Variants in HSD17B6 observed in about 807,000 individuals in gnomAD.
The protein encoded by HSD17B6 is 17-beta-hydroxysteroid dehydrogenase type 6.
HSD17B6 carries 16 observed loss-of-function variants against 26.4 expected under a neutral mutation model. The ratio of observed to expected loss-of-function variants is 0.61; its 90% CI spans 0.41 to 0.92. HSD17B6 has a LOEUF of 0.92. Ranked by LOEUF, HSD17B6 falls within the 40% of genes least tolerant of loss-of-function variation. HSD17B6 has a pLI of 0.00. For synonymous variants in HSD17B6, 139 were observed against 153.0 expected, an observed-to-expected ratio of 0.91 and a Z score of 0.68; for missense variants, 357 against 386.1, an observed-to-expected ratio of 0.92 and a Z score of 0.63.
chr12:56,768,446 C>G (rs1251292971), intron 1 of HSD17B6, among the ~76,000 whole-genome samples: 1 of 151,838 alleles, frequency 6.6e-6, no homozygotes, highest in African/African-American at 2.4e-5. Context: ...TTAGGATGGT[C>G]TTAGGGAGGA....
chr12:56,786,779 G>T (rs1314148938), intron 4 of HSD17B6, among the ~76,000 whole-genome samples: 1 of 152,120 alleles, frequency 6.6e-6, no homozygotes, highest in Non-Finnish European at 1.5e-5. Context: ...AGCCTGGGAG[G>T]CAGAGGTTGC....
At chr12:56,771,448 ATTTTTTTTTTTT>A (rs35374137) in intron 1 of HSD17B6, among the ~76,000 whole-genome samples, 1 of 93,328 alleles carries the variant, frequency 1.1e-5, no homozygotes, top group Non-Finnish European at 2.1e-5. Flanking sequence ...AAGGGTTGCA[ATTTTTTTTTTTT>A]TTTTTTTTTT....
At position 56,783,086 on chromosome 12, in the gene HSD17B6, C is replaced by A. The variant is rs893640167; in HGVS notation, c.572+854C>A. Among the ~76,000 whole-genome samples, 3 of 152,242 alleles carry A rather than the reference C, an allele frequency of 2.0e-5. No homozygotes were observed. The East Asian group carries it at 5.8e-4, about 29-fold the overall frequency. ...ACCATCCGATTTCTCAATCTTTTCCCCACCTTGCCCCCTTTTCTATTCCAC... is the reference window on the plus strand; with the variant it reads ...ACCATCCGATTTCTCAATCTTTTCCACACCTTGCCCCCTTTTCTATTCCAC... On this transcript the variant is annotated intron_variant, in intron 3 of 4. Coordinates refer to ENST00000322165, the MANE Select transcript of HSD17B6 (RefSeq NM_003725.4).
At chr12:56,775,672 T>C (rs2137912068) in intron 2 of HSD17B6, among the ~76,000 whole-genome samples, 1 of 152,258 alleles carries the variant, frequency 6.6e-6, no homozygotes, top group Non-Finnish European at 1.5e-5. Context: ...GTTGTTACAA[T>C]TGATGAACCA....
At chr12:56,781,424 C>G (rs1317226086) in intron 2 of HSD17B6, among the ~76,000 whole-genome samples, 1 of 152,128 alleles carries the variant, frequency 6.6e-6, no homozygotes, top group Non-Finnish European at 1.5e-5. Context: ...TCTTTTATTT[C>G]TGAAGTTTTA....
At chr12:56,765,351 G>T (rs1304802671) in intron 1 of HSD17B6, among the ~76,000 whole-genome samples, 1 of 151,918 alleles carries the variant, frequency 6.6e-6, no homozygotes. Flanking sequence ...CCGGAGGATC[G>T]CTGGAACCTG....
At chr12:56,771,169 G>A (rs1479739552) in intron 1 of HSD17B6, among the ~76,000 whole-genome samples, 1 of 152,160 alleles carries the variant, frequency 6.6e-6, no homozygotes, top group Admixed American at 6.5e-5. Context: ...CTCTACTACA[G>A]TCTAAAGCTC....
intron 1 of HSD17B6, among the ~76,000 whole-genome samples, chr12:56,766,481 ATCATACTTC>A: frequency 6.6e-6 from 1 of 152,156 alleles, no homozygotes; most frequent in African/African-American, 2.4e-5. Context: ...GGCTCAGCAA[ATCATACTTC>A]CTTCATTTTA....
At chr12:56,774,744 A>T (rs1435587624) in intron 2 of HSD17B6, among the ~76,000 whole-genome samples, 1 of 152,256 alleles carries the variant, frequency 6.6e-6, no homozygotes, top group Non-Finnish European at 1.5e-5. Context: ...TATCCCTGGC[A>T]TGTGCAGTTC....
rs565457010 is a variant in HSD17B6 at position 56,767,900 on chromosome 12, A to C, written c.-20+4486A>C. On this transcript the variant is annotated intron_variant, in intron 1 of 4. Coordinates refer to ENST00000322165, the MANE Select transcript of HSD17B6 (RefSeq NM_003725.4). Reference sequence around the variant, plus strand: ...ACACGTATATACACATATATATACAATGTATACACACACGTATACAATATA... The same window carrying C: ...ACACGTATATACACATATATATACACTGTATACACACACGTATACAATATA... 2.7e-5 allele frequency among the ~76,000 whole-genome samples: 4 copies of C among 150,110 alleles called. No individual in the cohort carries two copies. In the South Asian group the frequency reaches 8.3e-4, roughly 31 times the overall value.
At chr12:56,767,818 T>C (rs959098444) in intron 1 of HSD17B6, among the ~76,000 whole-genome samples, 1 of 147,114 alleles carries the variant, frequency 6.8e-6, no homozygotes, top group African/African-American at 2.5e-5. Context: ...ATATAATATA[T>C]ATGTGTGTAT....
chr12:56,765,222 G>T (rs926638992), intron 1 of HSD17B6, among the ~76,000 whole-genome samples: 4 of 151,980 alleles, frequency 2.6e-5, no homozygotes, highest in Admixed American at 6.5e-5. Flanking sequence ...GGATCACGAG[G>T]TCAGGAGTTT....
intron 1 of HSD17B6, among the ~76,000 whole-genome samples, chr12:56,766,155 A>C (rs1470507676): frequency 6.6e-6 from 1 of 151,296 alleles, no homozygotes; most frequent in Non-Finnish European, 1.5e-5. Flanking sequence ...CTTTAAATGT[A>C]ATTTTCCGCT....
In HSD17B6 at chr12:56,787,118, T is replaced by C. The variant is rs376212119; in HGVS notation, c.737-7T>C. ...TTGTTGACCACCATTTCTTTTTTTGTATACAGTTTACAATATCATGAAGGA... is the reference window on the plus strand; with the variant it reads ...TTGTTGACCACCATTTCTTTTTTTGCATACAGTTTACAATATCATGAAGGA... On this transcript the variant is annotated splice_polypyrimidine_tract_variant and splice_region_variant and intron_variant, in intron 4 of 4. Coordinates refer to ENST00000322165, the MANE Select transcript of HSD17B6 (RefSeq NM_003725.4). 2 of 1,603,826 alleles carry C rather than the reference T, an allele frequency of 1.2e-6. No individual in the cohort carries two copies. The highest frequency in any genetic ancestry group is 2.7e-5 in the African/African-American group (2 of 74,672).
Position 56,773,885 on chromosome 12 carries a change from G to A in HSD17B6, c.33G>A (p.Leu11=). The change falls in exon 2 of 5, where the codon CTG becomes CTA. Residue 11 remains leucine, a synonymous_variant. Coordinates refer to ENST00000322165, the MANE Select transcript of HSD17B6 (RefSeq NM_003725.4). MWLYLAAFVG[L]YYLLHWYRER... ...TCTACCTGGCGGCCTTCGTGGGCCT[G>A]TACTACCTTCTGCACTGGTACCGGG... 1 of 1,605,744 alleles carries A rather than the reference G, an allele frequency of 6.2e-7. No homozygotes were observed. The highest frequency in any genetic ancestry group is 8.5e-7 in the Non-Finnish European group (1 of 1,174,670).
chr12:56,783,659 T>C (rs1305251089), intron 3 of HSD17B6, among the ~76,000 whole-genome samples: 1 of 92,374 alleles, frequency 1.1e-5, no homozygotes, highest in Non-Finnish European at 2.1e-5. Flanking sequence ...CCCACCTCCC[T>C]CTCGGACGGG....
intron 1 of HSD17B6, among the ~76,000 whole-genome samples, chr12:56,769,524 T>C (rs1194378375): frequency 1.3e-5 from 2 of 152,218 alleles, no homozygotes; most frequent in Non-Finnish European, 2.9e-5. Flanking sequence ...GAAGGTGTTT[T>C]CTAGGCTCGA....
At chr12:56,774,768 T>C (rs1016922056) in intron 2 of HSD17B6, among the ~76,000 whole-genome samples, 1 of 152,222 alleles carries the variant, frequency 6.6e-6, no homozygotes, top group Non-Finnish European at 1.5e-5. Flanking sequence ...ATAGGGTTAG[T>C]GCTCCTGTGA....
At position 56,787,117 on chromosome 12, in the gene HSD17B6, G is replaced by A. The variant is rs1441277140; in HGVS notation, c.737-8G>A. ...ATTGTTGACCACCATTTCTTTTTTT[G>A]TATACAGTTTACAATATCATGAAGG... is the stretch of plus-strand genomic sequence containing the variant. On this transcript the variant is annotated splice_polypyrimidine_tract_variant and splice_region_variant and intron_variant, in intron 4 of 4. Coordinates refer to ENST00000322165, the MANE Select transcript of HSD17B6 (RefSeq NM_003725.4). 3.8e-6 allele frequency: 6 copies of A among 1,599,718 alleles called. No individual in the cohort carries two copies. Among genetic ancestry groups the A allele is most frequent in the South Asian group, 1.1e-5 (1 of 90,174 alleles).
Sources: gnomAD v4.1 joint callset for allele counts (sites outside exome capture counted in the v4.1 genomes callset) on GRCh38, gnomAD v4.1.1 for gene constraint, MANE v1.5 for transcripts, NCBI Gene and HGNC (gene_info 2026-07-23, HGNC 2026-07-21) for gene names.